Variants in MXI1 observed in about 807,000 individuals in gnomAD.
The protein encoded by MXI1 is max-interacting protein 1.
In MXI1, 18 loss-of-function variants were observed where a neutral mutation model predicts 36.9. The ratio of observed to expected loss-of-function variants is 0.49; its 90% CI spans 0.34 to 0.72. MXI1 has a LOEUF of 0.72. MXI1 is among the 30% of genes least tolerant of loss of function. The probability of loss-of-function intolerance (pLI) is 0.01; values close to 1 mark genes in which losing one functional copy is unlikely to be tolerated. For missense variants in MXI1, 304 were observed against 379.1 expected, an observed-to-expected ratio of 0.80 and a Z score of 1.64; for synonymous variants, 160 against 146.7, an observed-to-expected ratio of 1.09 and a Z score of -0.65.
At chr10:110,256,340 A>G (rs149631025) in intron 3 of MXI1, among the ~76,000 whole-genome samples, 2,116 of 152,246 alleles carry the variant, frequency 0.014, 44 homozygotes, top group African/African-American at 0.049. Context: ...ATGGTGGCTC[A>G]TGCCTGTAAT....
rs1857437919 is a variant in MXI1 at position 110,287,000 on chromosome 10, T to A, written c.*2013T>A. 1 of 152,220 alleles carries A rather than the reference T, an allele frequency of 6.6e-6. No homozygotes were observed. Among genetic ancestry groups the A allele is most frequent in the Non-Finnish European group, 1.5e-5 (1 of 68,040 alleles). 9.4% of individuals were successfully genotyped at this position (152,220 alleles called of 1,614,324 possible). A position where few individuals can be genotyped will look rare whatever the true frequency, so the allele number is the denominator to read the frequency against. ...GCTGAGTCAAGATGTTGTCTCTGTG[T>A]TTGCTTACTCTTGATCAAGTGTGAG... On this transcript the variant is annotated 3_prime_UTR_variant, in exon 6 of 6. Transcript: ENST00000332674.
In MXI1 at chr10:110,280,016, G is replaced by A; in HGVS notation, c.655G>A (p.Glu219Lys). 6.2e-7 allele frequency: 1 copy of A among 1,610,652 alleles called. No individual in the cohort carries two copies. Among genetic ancestry groups the A allele is most frequent in the Non-Finnish European group, 8.5e-7 (1 of 1,177,782 alleles). ...ACTGGAACAGCTGCAGGGTCCTCAG[G>A]AGATGGAACGAATACGAATGGACAG... ...WRLEQLQGPQ[E>K]MERIRMDSIG... The change falls in exon 5 of 6, where the codon GAG becomes AAG. Residue 219 changes from glutamate to lysine, a missense_variant. Glu to Lys is a moderately conservative substitution (Grantham distance 56). Transcript: ENST00000332674.
chr10:110,225,991 G>T, intron 1 of MXI1: 1 of 983,230 alleles, frequency 1.0e-6, no homozygotes, highest in South Asian at 4.7e-5. Context: ...CTCGCGGGGA[G>T]AGGTAAACAA....
At chr10:110,248,016 T>TA (rs549211485) in intron 3 of MXI1, among the ~76,000 whole-genome samples, 2,121 of 152,218 alleles carry the variant, frequency 0.014, 42 homozygotes, top group African/African-American at 0.049. Flanking sequence ...TATGCAGCCA[T>TA]AAAAAATGAT....
chr10:110,268,596 A>C (rs1856758584), intron 3 of MXI1, among the ~76,000 whole-genome samples: 1 of 152,176 alleles, frequency 6.6e-6, no homozygotes, highest in Non-Finnish European at 1.5e-5. Flanking sequence ...CTATCTACCT[A>C]AAAGTGCTAA....
At chr10:110,236,401 G>A (rs1855480332) in intron 2 of MXI1, among the ~76,000 whole-genome samples, 5 of 151,772 alleles carry the variant, frequency 3.3e-5, no homozygotes, top group Admixed American at 3.3e-4. Context: ...TTCCGACTTG[G>A]TTCTTCTTTT....
chr10:110,280,635 A>C (rs1301737943), intron 5 of MXI1, among the ~76,000 whole-genome samples: 7 of 151,486 alleles, frequency 4.6e-5, no homozygotes, highest in African/African-American at 1.7e-4. Context: ...AGCCGAGATC[A>C]TGCCACTGCG....
At chr10:110,268,636 G>C (rs1393773883) in intron 3 of MXI1, among the ~76,000 whole-genome samples, 1 of 152,068 alleles carries the variant, frequency 6.6e-6, no homozygotes, top group Admixed American at 6.6e-5. Context: ...ATATAACACT[G>C]AGAAAATTTC....
At chr10:110,219,200 T>G (rs1590329572) in intron 1 of MXI1, among the ~76,000 whole-genome samples, 1 of 152,148 alleles carries the variant, frequency 6.6e-6, no homozygotes, top group Admixed American at 6.5e-5. Context: ...CTTGGGAGGC[T>G]GAGGCAGGAG....
rs545007176 is a variant in MXI1, at chr10:110,281,084, G to C, written c.724+999G>C. Among the ~76,000 whole-genome samples the C allele has an allele frequency of 6.8e-4, 103 of 152,120 alleles. 1 individual carries two copies. The highest frequency in any genetic ancestry group is 2.4e-3 in the African/African-American group (99 of 41,504). ...TGTTTGTTTTTAGGACTCTGATTTT[G>C]TTTTTTGTTTTTGACTTTTTTAAGT... is the stretch of plus-strand genomic sequence containing the variant. On this transcript the variant is annotated intron_variant, in intron 5 of 5. Coordinates refer to ENST00000332674, the MANE Select transcript of MXI1 (RefSeq NM_130439.3).
intron 3 of MXI1, among the ~76,000 whole-genome samples, chr10:110,260,618 TATA>T (rs1169979952): frequency 2.0e-5 from 3 of 152,018 alleles, no homozygotes; most frequent in Non-Finnish European, 2.9e-5. Context: ...GTACTGTAGC[TATA>T]ATAAGGTTTT....
Position 110,208,750 on chromosome 10 carries a change from C to CG in MXI1, c.274+668_274+669insG, listed in dbSNP as rs1166518136. Among the ~76,000 whole-genome samples the CG allele has an allele frequency of 2.7e-5, 4 of 149,470 alleles. 1 individual carries two copies. Among genetic ancestry groups the CG allele is most frequent in the African/African-American group, 1.0e-4 (4 of 39,866 alleles). ...TGGGGTGCCACCGCCGCCCCCCCCC[C>CG]CCCAAAGAAGGAGGCCGGCGGGGCC... On this transcript the variant is annotated intron_variant, in intron 1 of 5. Transcript: ENST00000332674.
intron 2 of MXI1, among the ~76,000 whole-genome samples, chr10:110,231,975 GT>G (rs199767400): frequency 4.2e-4 from 62 of 147,368 alleles, no homozygotes; most frequent in Middle Eastern, 3.5e-3. Flanking sequence ...TGCAACTACA[GT>G]TTTTTTTTTT....
At chr10:110,253,258 AT>A (rs961131940) in intron 3 of MXI1, among the ~76,000 whole-genome samples, 1 of 151,040 alleles carries the variant, frequency 6.6e-6, no homozygotes, top group East Asian at 1.9e-4. Context: ...TAATGAATGC[AT>A]TTTTTTTTCT....
chr10:110,245,586 G>A (rs1471580265), intron 3 of MXI1, among the ~76,000 whole-genome samples: 1 of 152,124 alleles, frequency 6.6e-6, no homozygotes, highest in Non-Finnish European at 1.5e-5. Context: ...GACTATAAAA[G>A]ATTGTAACAT....
chr10:110,226,422 G>GAGGGAGGGGTGCGCA, intron 1 of MXI1: 1 of 1,053,872 alleles, frequency 9.5e-7, no homozygotes, highest in Non-Finnish European at 1.2e-6. Flanking sequence ...AGGGGTGTGC[G>GAGGGAGGGGTGCGCA]CGCGTGAGGG....
rs1161944968 is a variant in MXI1 at position 110,259,050 on chromosome 10, T to G, written c.437+14193T>G. 3.9e-5 allele frequency among the ~76,000 whole-genome samples: 6 copies of G among 152,222 alleles called. No individual in the cohort carries two copies. In the South Asian group the frequency reaches 1.2e-3, roughly 32 times the overall value. ...TGAGATCTTAAAAAATAATCAGAAG[T>G]ACTGTAACTTGAAATTCAGCTTCTA... On this transcript the variant is annotated intron_variant, in intron 3 of 5. Transcript: ENST00000332674.
At chr10:110,243,723 T>G (rs1564714420) in intron 2 of MXI1, among the ~76,000 whole-genome samples, 1 of 152,096 alleles carries the variant, frequency 6.6e-6, no homozygotes, top group Non-Finnish European at 1.5e-5. Context: ...GTAGCTAACT[T>G]TAGAGTTCAT....
chr10:110,264,076 A>AGT (rs34472977), intron 3 of MXI1, among the ~76,000 whole-genome samples: 62,940 of 150,734 alleles, frequency 0.42, 13,689 homozygotes, highest in African/African-American at 0.54. Flanking sequence ...ATAATTTAAA[A>AGT]GTGTGTGTGT....
Sources: allele counts gnomAD v4.1 joint callset (sites outside exome capture counted in the v4.1 genomes callset), GRCh38; gene constraint gnomAD v4.1.1; transcripts MANE v1.5; gene names NCBI Gene and HGNC (gene_info 2026-07-23, HGNC 2026-07-21).